FAM107B: variants seen among roughly 807,000 people sequenced by gnomAD.
FAM107B encodes protein FAM107B.
A neutral mutation model predicts 31.5 loss-of-function variants in FAM107B; 21 were observed. The observed-to-expected ratio is 0.67, with a 90% CI of 0.47 to 0.96. FAM107B has a LOEUF of 0.96. Among genes scored for constraint, FAM107B ranks in the 40% least tolerant of loss-of-function variants. FAM107B has a pLI of 0.00. For missense variants in FAM107B, 452 were observed against 377.1 expected, an observed-to-expected ratio of 1.20 and a Z score of -1.64; for synonymous variants, 157 against 141.5, an observed-to-expected ratio of 1.11 and a Z score of -0.78.
At chr10:14,669,273 G>C (rs545239818) in intron 1 of FAM107B, among the ~76,000 whole-genome samples, 1 of 151,008 alleles carries the variant, frequency 6.6e-6, no homozygotes, top group Non-Finnish European at 1.5e-5. Context: ...GGGAGGCTGC[G>C]GCAGGAGAAT....
At chr10:14,597,479 T>G (rs190674101) in intron 2 of FAM107B, among the ~76,000 whole-genome samples, 1 of 152,310 alleles carries the variant, frequency 6.6e-6, no homozygotes, top group Non-Finnish European at 1.5e-5. Flanking sequence ...GCCAAAACTC[T>G]TGTCCAAGAA....
chr10:14,671,623 G>C (rs940046208), intron 1 of FAM107B, among the ~76,000 whole-genome samples: 24 of 152,046 alleles, frequency 1.6e-4, no homozygotes, highest in Non-Finnish European at 3.4e-4. Flanking sequence ...TGGACTTCTG[G>C]GAAAATGACT....
chr10:14,611,160 A>C (rs1852714323), intron 2 of FAM107B, among the ~76,000 whole-genome samples: 1 of 152,174 alleles, frequency 6.6e-6, no homozygotes, highest in Non-Finnish European at 1.5e-5. Flanking sequence ...CTGTGTATTA[A>C]AACTAAAATC....
chr10:14,554,550 T>C (rs1173321407), intron 2 of FAM107B, among the ~76,000 whole-genome samples: 1 of 152,070 alleles, frequency 6.6e-6, no homozygotes, highest in African/African-American at 2.4e-5. Flanking sequence ...ACTGGACCAG[T>C]TGAGACTTGG....
At position 14,722,061 on chromosome 10, in the gene FAM107B, T is replaced by A. The variant is rs143183250; in HGVS notation, c.411+52192A>T. Among the ~76,000 whole-genome samples the A allele has an allele frequency of 3.4e-3, 525 of 152,352 alleles. 12 individuals carry two copies. In the East Asian group the frequency reaches 0.046, roughly 13 times the overall value. ...GAATATAAAGGAACATACTTTTTTATGGATTTATTTTCTAAGTGTACAATT... is the reference window on the plus strand; with the variant it reads ...GAATATAAAGGAACATACTTTTTTAAGGATTTATTTTCTAAGTGTACAATT... On this transcript the variant is annotated intron_variant, in intron 1 of 4. Coordinates refer to ENST00000181796, the MANE Select transcript of FAM107B (RefSeq NM_031453.4).
At chr10:14,769,042 C>T (rs1833242674) in intron 1 of FAM107B, among the ~76,000 whole-genome samples, 1 of 152,216 alleles carries the variant, frequency 6.6e-6, no homozygotes, top group Non-Finnish European at 1.5e-5. Context: ...GTTATTGGTT[C>T]TATTCTAACA....
intron 1 of FAM107B, among the ~76,000 whole-genome samples, chr10:14,709,411 G>T (rs576069476): frequency 6.6e-6 from 1 of 152,190 alleles, no homozygotes; most frequent in African/African-American, 2.4e-5. Context: ...GGAAGGAGGA[G>T]TAAGTCATAT....
intron 1 of FAM107B, among the ~76,000 whole-genome samples, chr10:14,758,423 GC>G (rs1832972504): frequency 6.6e-6 from 1 of 152,150 alleles, no homozygotes; most frequent in Non-Finnish European, 1.5e-5. Context: ...CCCAATTCTG[GC>G]TGCGTGTTAG....
Position 14,545,322 on chromosome 10 carries a change from T to C in FAM107B, c.470-14807A>G, listed in dbSNP as rs531954848. On this transcript the variant is annotated intron_variant, in intron 2 of 4. Transcript: ENST00000181796. ...TTAATGGCAGGATGCATCCCCCTGTTGTCTGATCACCTTCATAGTGGTTTA... is the reference window on the plus strand; with the variant it reads ...TTAATGGCAGGATGCATCCCCCTGTCGTCTGATCACCTTCATAGTGGTTTA... Among the ~76,000 whole-genome samples, 7 of 152,292 alleles carry C rather than the reference T, an allele frequency of 4.6e-5. No individual in the cohort carries two copies. In the East Asian group the frequency reaches 1.4e-3, roughly 29 times the overall value.
intron 2 of FAM107B, among the ~76,000 whole-genome samples, chr10:14,584,740 T>C (rs1159880236): frequency 1.3e-5 from 2 of 152,142 alleles, no homozygotes; most frequent in Non-Finnish European, 2.9e-5. Flanking sequence ...ACCCCAACTT[T>C]CCACACCTAT....
intron 2 of FAM107B, among the ~76,000 whole-genome samples, chr10:14,557,658 G>T (rs1849818012): frequency 6.6e-6 from 1 of 152,210 alleles, no homozygotes; most frequent in Non-Finnish European, 1.5e-5. Flanking sequence ...AACATTCGAA[G>T]TGCTTACTGC....
chr10:14,682,457 A>T (rs1194558880), intron 1 of FAM107B, among the ~76,000 whole-genome samples: 1 of 152,220 alleles, frequency 6.6e-6, no homozygotes, highest in Non-Finnish European at 1.5e-5. Context: ...TGAACCCAGG[A>T]GGTGCAGGTT....
At chr10:14,675,423 A>G (rs1360688909) in intron 1 of FAM107B, among the ~76,000 whole-genome samples, 1 of 152,074 alleles carries the variant, frequency 6.6e-6, no homozygotes, top group African/African-American at 2.4e-5. Context: ...TGGTGCATCT[A>G]TCCATGGAGG....
intron 1 of FAM107B, among the ~76,000 whole-genome samples, chr10:14,723,020 G>T (rs750892392): frequency 1.3e-5 from 2 of 152,200 alleles, no homozygotes; most frequent in Admixed American, 1.3e-4. Flanking sequence ...TCCAATGGCC[G>T]TCTTTTACAT....
chr10:14,589,168 T>G (rs1429908314), intron 2 of FAM107B, among the ~76,000 whole-genome samples: 1 of 137,672 alleles, frequency 7.3e-6, no homozygotes. Context: ...ACACCGAGAC[T>G]GTCTCAAAAA....
chr10:14,528,471 G>A lies in FAM107B; in HGVS notation c.653+1861C>T, dbSNP rs545245432. On this transcript the variant is annotated intron_variant, in intron 3 of 4. Transcript: ENST00000181796. ...TGGTGGGATTACAGGCGTGATCCAC[G>A]GTGCCCAGCCTACTTTAATTTTTAT... Among the ~76,000 whole-genome samples, 6 of 152,078 alleles carry A rather than the reference G, an allele frequency of 3.9e-5. No homozygotes were observed. The East Asian group carries it at 5.8e-4, about 15-fold the overall frequency.
intron 1 of FAM107B, among the ~76,000 whole-genome samples, chr10:14,675,327 A>G (rs1854656769): frequency 1.3e-5 from 2 of 152,098 alleles, no homozygotes; most frequent in African/African-American, 4.8e-5. Context: ...TCTGATATCA[A>G]CATTTTCTCA....
At chr10:14,693,203 C>T (rs1346169253) in intron 1 of FAM107B, among the ~76,000 whole-genome samples, 2 of 152,120 alleles carry the variant, frequency 1.3e-5, no homozygotes, top group East Asian at 1.9e-4. Context: ...TGGCCGGGCG[C>T]GGTGGCTCAC....
chr10:14,745,664 G>A (rs557735309), intron 1 of FAM107B, among the ~76,000 whole-genome samples: 1 of 152,144 alleles, frequency 6.6e-6, no homozygotes, highest in African/African-American at 2.4e-5. Context: ...TGGTCTGAGA[G>A]ACTGTTTATT....
Sources: gnomAD v4.1 joint callset for allele counts (sites outside exome capture counted in the v4.1 genomes callset) on GRCh38, gnomAD v4.1.1 for gene constraint, MANE v1.5 for transcripts, NCBI Gene and HGNC (gene_info 2026-07-23, HGNC 2026-07-21) for gene names.